Variants in TENM3 observed in about 807,000 individuals in gnomAD.
TENM3 encodes teneurin-3.
TENM3 carries 63 observed loss-of-function variants against 255.1 expected under a neutral mutation model. The ratio of observed to expected loss-of-function variants is 0.25; its 90% CI spans 0.20 to 0.30. TENM3 has a LOEUF of 0.30. Ranked by LOEUF, TENM3 falls within the 10% of genes least tolerant of loss-of-function variation. The pLI is 1.00. For synonymous variants in TENM3, 1,306 were observed against 1,322.3 expected, an observed-to-expected ratio of 0.99 and a Z score of 0.27; for missense variants, 2,929 against 3,461.1, an observed-to-expected ratio of 0.85 and a Z score of 3.86.
chr4:182,102,348 T>C, the TENM3 span, among the ~76,000 whole-genome samples: 1 of 152,202 alleles, frequency 6.6e-6, no homozygotes, highest in Non-Finnish European at 1.5e-5. Context: ...CTCTCATGTG[T>C]CCACATGAGA....
At chr4:181,626,191 G>A in the TENM3 span, among the ~76,000 whole-genome samples, 2 of 152,156 alleles carry the variant, frequency 1.3e-5, no homozygotes, top group Non-Finnish European at 2.9e-5. Context: ...GAAGAAGGCT[G>A]CGGTGGCAGA....
chr4:181,881,216 C>A, the TENM3 span, among the ~76,000 whole-genome samples: 19 of 152,146 alleles, frequency 1.2e-4, no homozygotes, highest in East Asian at 2.1e-3. Flanking sequence ...ATTTAGGATA[C>A]CCTTCGGGAA....
intron 1 of TENM3, among the ~76,000 whole-genome samples, chr4:182,206,559 T>C (rs1262094394): frequency 6.6e-6 from 1 of 152,214 alleles, no homozygotes; most frequent in Non-Finnish European, 1.5e-5. Flanking sequence ...GCTTTCTTTA[T>C]GGAGATGTCA....
intron 12 of TENM3, chr4:182,697,839 C>T (rs1055881358): frequency 1.3e-5 from 2 of 152,156 alleles, no homozygotes; most frequent in African/African-American, 4.8e-5. Flanking sequence ...AAACCTGGTT[C>T]CTCTGACCTT....
intron 3 of TENM3, among the ~76,000 whole-genome samples, chr4:182,597,633 T>C (rs1747394459): frequency 6.6e-6 from 1 of 152,228 alleles, no homozygotes; most frequent in Non-Finnish European, 1.5e-5. Context: ...AGGTATTTTG[T>C]CCACTAACCT....
the TENM3 span, among the ~76,000 whole-genome samples, chr4:181,636,995 A>G: frequency 1.3e-5 from 2 of 151,994 alleles, no homozygotes; most frequent in Admixed American, 1.3e-4. Context: ...AGAAACTTCC[A>G]CTTACACACA....
chr4:182,509,059 G>A (rs532418135), intron 3 of TENM3, among the ~76,000 whole-genome samples: 2 of 152,282 alleles, frequency 1.3e-5, no homozygotes, highest in South Asian at 2.1e-4. Context: ...GGAATTATCC[G>A]TTATTTTTAA....
intron 1 of TENM3, among the ~76,000 whole-genome samples, chr4:182,299,774 G>A (rs77422159): frequency 3.1e-5 from 4 of 128,522 alleles, no homozygotes; most frequent in Admixed American, 7.5e-5. Context: ...TGCCAAGGAC[G>A]GGGGGAGGGA....
intron 3 of TENM3, among the ~76,000 whole-genome samples, chr4:182,557,500 C>T (rs1049572072): frequency 2.0e-5 from 3 of 152,190 alleles, no homozygotes; most frequent in African/African-American, 7.2e-5. Flanking sequence ...CTTATTTGAG[C>T]TAACAGATGA....
At chr4:181,749,834 C>T in the TENM3 span, among the ~76,000 whole-genome samples, 229 of 151,998 alleles carry the variant, frequency 1.5e-3, 1 homozygote, top group African/African-American at 5.1e-3. Flanking sequence ...GCTTAATGTG[C>T]GAATCAAATA....
intron 1 of TENM3, among the ~76,000 whole-genome samples, chr4:182,276,988 T>C (rs1337415377): frequency 6.6e-6 from 1 of 152,254 alleles, no homozygotes. Flanking sequence ...AAGGATAGTA[T>C]GGAAAGAGCA....
chr4:181,678,214 C>T, the TENM3 span, among the ~76,000 whole-genome samples: 1 of 152,040 alleles, frequency 6.6e-6, no homozygotes, highest in East Asian at 1.9e-4. Flanking sequence ...AATATATGTA[C>T]ATTTTGAATT....
the TENM3 span, among the ~76,000 whole-genome samples, chr4:181,669,487 G>T: frequency 6.6e-6 from 1 of 152,002 alleles, no homozygotes; most frequent in South Asian, 2.1e-4. Flanking sequence ...AGCTTATGTG[G>T]GGCATTCTTT....
chr4:181,703,283 A>G, the TENM3 span, among the ~76,000 whole-genome samples: 1 of 152,208 alleles, frequency 6.6e-6, no homozygotes, highest in Admixed American at 6.5e-5. Context: ...CCCTTTCAAT[A>G]GACTGTACTT....
At chr4:182,067,674 A>T in the TENM3 span, among the ~76,000 whole-genome samples, 1 of 151,930 alleles carries the variant, frequency 6.6e-6, no homozygotes, top group African/African-American at 2.4e-5. Flanking sequence ...GATGGAGCTG[A>T]CTCTCTCTTG....
the TENM3 span, among the ~76,000 whole-genome samples, chr4:181,930,850 G>C: frequency 6.6e-6 from 1 of 152,160 alleles, no homozygotes; most frequent in South Asian, 2.1e-4. Context: ...GGAATGCAAG[G>C]CTGGTTCAGC....
chr4:182,777,553 T>TTC (rs1764786401), intron 24 of TENM3, among the ~76,000 whole-genome samples: 1 of 93,634 alleles, frequency 1.1e-5, no homozygotes. Context: ...ATTTCTTTTT[T>TTC]TTTTTTTTTT....
chr4:182,472,580 C>T (rs1183783354), intron 3 of TENM3, among the ~76,000 whole-genome samples: 1 of 152,154 alleles, frequency 6.6e-6, no homozygotes, highest in Non-Finnish European at 1.5e-5. Context: ...CTTACATACT[C>T]ACTAAAAGAA....
At chr4:182,493,641 C>T (rs576435726) in intron 3 of TENM3, among the ~76,000 whole-genome samples, 109 of 152,228 alleles carry the variant, frequency 7.2e-4, no homozygotes, top group Non-Finnish European at 1.3e-3. Context: ...GACACTAATC[C>T]ATTAAGGGTG....
Sources: gnomAD v4.1 joint callset for allele counts (sites outside exome capture counted in the v4.1 genomes callset) on GRCh38, gnomAD v4.1.1 for gene constraint, MANE v1.5 for transcripts, NCBI Gene and HGNC (gene_info 2026-07-23, HGNC 2026-07-21) for gene names.